The following KLF12 variants were observed in gnomAD, a reference collection of about 807,000 sequenced individuals.
The protein encoded by KLF12 is Krueppel-like factor 12.
In KLF12, 9 loss-of-function variants were observed where a neutral mutation model predicts 37.8. The ratio of observed to expected loss-of-function variants is 0.24; its 90% CI spans 0.14 to 0.42. KLF12 has a LOEUF of 0.42. KLF12 is among the 10% of genes least tolerant of loss of function. KLF12 has a pLI of 1.00. For missense variants in KLF12, 411 were observed against 516.0 expected (o/e 0.80, Z 1.97); for synonymous variants, 208 against 202.1 (o/e 1.03, Z -0.25).
At chr13:73,909,205 G>T (rs1375380678) in intron 3 of KLF12, among the ~76,000 whole-genome samples, 1 of 152,164 alleles carries the variant, frequency 6.6e-6, no homozygotes, top group East Asian at 1.9e-4. Context: ...GGTATCCAAA[G>T]TAAAATTTGC....
intron 1 of KLF12, among the ~76,000 whole-genome samples, chr13:74,057,989 T>G (rs1045209443): frequency 6.7e-6 from 1 of 150,290 alleles, no homozygotes; most frequent in East Asian, 1.9e-4. Context: ...TTTTTTGAGA[T>G]GGAGTCTCAC....
upstream of KLF12, among the ~76,000 whole-genome samples, chr13:74,136,200 G>A (rs974047252): frequency 2.0e-5 from 3 of 152,200 alleles, no homozygotes; most frequent in Non-Finnish European, 2.9e-5. Flanking sequence ...CGGGCGCAGC[G>A]AGGGCGTCGG....
chr13:73,722,075 A>C (rs952083223), intron 6 of KLF12, among the ~76,000 whole-genome samples: 10 of 152,130 alleles, frequency 6.6e-5, no homozygotes, highest in Admixed American at 5.2e-4. Flanking sequence ...CAGTTTACAA[A>C]GTATATTTTG....
intron 1 of KLF12, among the ~76,000 whole-genome samples, chr13:74,025,199 T>C (rs959334746): frequency 6.6e-6 from 1 of 152,184 alleles, no homozygotes; most frequent in Admixed American, 6.5e-5. Context: ...GCTTACTTTG[T>C]TTGACAGCTA....
chr13:74,298,976 G>A, the KLF12 span, among the ~76,000 whole-genome samples: 3 of 151,996 alleles, frequency 2.0e-5, no homozygotes, highest in East Asian at 3.9e-4. Context: ...CTCAAAGAAC[G>A]GAATTCTCAA....
chr13:73,985,813 C>A (rs542316201), intron 2 of KLF12, among the ~76,000 whole-genome samples: 2 of 152,302 alleles, frequency 1.3e-5, no homozygotes, highest in African/African-American at 4.8e-5. Flanking sequence ...AACTTTTCCT[C>A]ACTTTGATAA....
At chr13:74,166,539 A>AGT in the KLF12 span, among the ~76,000 whole-genome samples, 1 of 152,184 alleles carries the variant, frequency 6.6e-6, no homozygotes, top group East Asian at 1.9e-4. Flanking sequence ...GATACTGAAG[A>AGT]GTGGAATGAT....
At position 73,979,618 on chromosome 13, in the gene KLF12, A is replaced by G. The variant is rs1467037343; in HGVS notation, c.33+15372T>C. Among the ~76,000 whole-genome samples the G allele has an allele frequency of 2.6e-5, 4 of 152,210 alleles. No individual in the cohort carries two copies. In the East Asian group the frequency reaches 7.7e-4, roughly 29 times the overall value. ...AATTGTCAAATCCTTGGTAATATTT[A>G]CCAAATGAAAAAATAATGTAAAAGC... On this transcript the variant is annotated intron_variant, in intron 2 of 7. Coordinates refer to ENST00000377669, the MANE Select transcript of KLF12 (RefSeq NM_007249.5).
chr13:74,195,629 C>T, the KLF12 span, among the ~76,000 whole-genome samples: 10 of 152,150 alleles, frequency 6.6e-5, no homozygotes, highest in Non-Finnish European at 1.0e-4. Flanking sequence ...GATGGGTTCT[C>T]ACTCTGTTGC....
the KLF12 span, among the ~76,000 whole-genome samples, chr13:74,250,706 A>C: frequency 6.6e-6 from 1 of 152,320 alleles, no homozygotes; most frequent in South Asian, 2.1e-4. Flanking sequence ...ACTTCAAAAA[A>C]AGATCAAGGC....
At chr13:73,696,526 G>T (rs974463259) in intron 7 of KLF12, among the ~76,000 whole-genome samples, 3 of 152,104 alleles carry the variant, frequency 2.0e-5, no homozygotes, top group African/African-American at 7.2e-5. Flanking sequence ...CATTTTCCTG[G>T]ATCTCATTCA....
intron 6 of KLF12, among the ~76,000 whole-genome samples, chr13:73,760,170 G>T (rs563878031): frequency 1.3e-5 from 2 of 152,180 alleles, no homozygotes; most frequent in South Asian, 4.1e-4. Context: ...TTTGCATAGA[G>T]ACCTCATTAA....
At position 74,025,091 on chromosome 13, in the gene KLF12, A is replaced by C. The variant is rs112260463; in HGVS notation, c.-31-30038T>G. On this transcript the variant is annotated intron_variant, in intron 1 of 7. Transcript: ENST00000377669. ...ATGTACATATGACAGAGTTTAAAGA[A>C]AGCAAACTCCTTTGGAAATTTAAAG... is the stretch of plus-strand genomic sequence containing the variant. Among the ~76,000 whole-genome samples, 28 of 152,362 alleles carry C rather than the reference A, an allele frequency of 1.8e-4. 2 individuals carry two copies. Among genetic ancestry groups the C allele is most frequent in the African/African-American group, 6.7e-4 (28 of 41,576 alleles).
At chr13:74,043,196 T>C (rs561220870) in intron 1 of KLF12, among the ~76,000 whole-genome samples, 5 of 152,294 alleles carry the variant, frequency 3.3e-5, no homozygotes, top group Non-Finnish European at 5.9e-5. Flanking sequence ...ATCCCACTCA[T>C]GGTCAGAGGA....
rs778759106 is a variant in KLF12, at chr13:73,738,092, CATATATATATATAT to C, written c.870-22581_870-22568del. On this transcript the variant is annotated intron_variant, in intron 6 of 7. Transcript: ENST00000377669. ...ATACACACACATATATGTATGTGTA[CATATATATATATAT>C]ATATATATATATATATATACACACA... Among the ~76,000 whole-genome samples, 12 of 116,736 alleles carry C rather than the reference CATATATATATATAT, an allele frequency of 1.0e-4. No individual in the cohort carries two copies. The South Asian group carries it at 2.1e-3, about 20-fold the overall frequency. The allele number at this position is 116,736 out of a possible 152,430, so 76.6% of individuals were successfully genotyped here.
intron 3 of KLF12, among the ~76,000 whole-genome samples, chr13:73,905,180 A>AT (rs1363366884): frequency 6.6e-6 from 1 of 152,088 alleles, no homozygotes; most frequent in Non-Finnish European, 1.5e-5. Context: ...ATTCAAGATG[A>AT]TTTTTCCCCT....
chr13:73,889,343 G>A (rs745665808), intron 3 of KLF12, among the ~76,000 whole-genome samples: 1 of 152,096 alleles, frequency 6.6e-6, no homozygotes, highest in Non-Finnish European at 1.5e-5. Flanking sequence ...TATAGCACTA[G>A]GGTCTAAGTT....
intron 1 of KLF12, among the ~76,000 whole-genome samples, chr13:74,001,685 C>A (rs571109057): frequency 6.6e-6 from 1 of 152,166 alleles, no homozygotes; most frequent in African/African-American, 2.4e-5. Context: ...TATTTTCTAG[C>A]CCATCACAAC....
the KLF12 span, among the ~76,000 whole-genome samples, chr13:74,180,484 G>A: frequency 6.6e-6 from 1 of 152,342 alleles, no homozygotes; most frequent in Admixed American, 6.5e-5. Context: ...TCTTAAGAAA[G>A]CCAAATTCTG....
Sources: allele counts gnomAD v4.1 joint callset (sites outside exome capture counted in the v4.1 genomes callset), GRCh38; gene constraint gnomAD v4.1.1; transcripts MANE v1.5; gene names NCBI Gene and HGNC (gene_info 2026-07-23, HGNC 2026-07-21).